Variants in GRID2 observed in about 807,000 individuals in gnomAD.
GRID2 encodes glutamate ionotropic receptor delta type subunit 2.
GRID2 carries 33 observed loss-of-function variants against 114.8 expected under a neutral mutation model. The ratio of observed to expected loss-of-function variants is 0.29; its 90% confidence interval spans 0.22 to 0.38. The LOEUF (loss-of-function observed/expected upper bound fraction) is 0.38, where lower values mean the gene tolerates loss of function less well. Ranked by LOEUF, GRID2 falls within the 10% of genes least tolerant of loss-of-function variation. The pLI is 1.00. For synonymous variants in GRID2, 505 were observed against 449.9 expected (o/e 1.12, Z -1.55); for missense variants, 1,184 against 1,257.7 (o/e 0.94, Z 0.89).
chr4:92,433,451 G>C (rs1331616553), intron 1 of GRID2, among the ~76,000 whole-genome samples: 2 of 152,212 alleles, frequency 1.3e-5, no homozygotes, highest in Non-Finnish European at 2.9e-5. Context: ...ATTCCCCTCT[G>C]GCTAGGTCTC....
At chr4:93,635,399 A>G (rs1036059970) in intron 14 of GRID2, among the ~76,000 whole-genome samples, 1 of 148,844 alleles carries the variant, frequency 6.7e-6, no homozygotes, top group African/African-American at 2.4e-5. Context: ...ATAATAATAT[A>G]TATATTATAT....
intron 2 of GRID2, among the ~76,000 whole-genome samples, chr4:93,028,476 G>A (rs569229577): frequency 1.1e-4 from 16 of 152,162 alleles, no homozygotes; most frequent in South Asian, 1.0e-3. Flanking sequence ...ATTACCTAGC[G>A]CCTTTATAAG....
intron 2 of GRID2, among the ~76,000 whole-genome samples, chr4:92,750,548 C>T (rs140589350): frequency 1.3e-5 from 2 of 152,240 alleles, no homozygotes; most frequent in Admixed American, 1.3e-4. Context: ...TACACTTGCC[C>T]TCAACAAGTA....
At chr4:93,236,169 GATA>G (rs772205568) in intron 7 of GRID2, among the ~76,000 whole-genome samples, 2 of 151,990 alleles carry the variant, frequency 1.3e-5, no homozygotes, top group Non-Finnish European at 2.9e-5. Flanking sequence ...AGATACTAAT[GATA>G]ATAAGATGCA....
chr4:93,786,950 G>A (rs1734605846), intron 1 of GRID2, among the ~76,000 whole-genome samples: 2 of 152,038 alleles, frequency 1.3e-5, no homozygotes, highest in African/African-American at 4.8e-5. Context: ...GTGTCCCAAT[G>A]GTGTATGAAG....
At chr4:92,359,071 A>T (rs1289900086) in intron 1 of GRID2, among the ~76,000 whole-genome samples, 1 of 151,960 alleles carries the variant, frequency 6.6e-6, no homozygotes, top group East Asian at 1.9e-4. Context: ...TAAATTTTTT[A>T]GTAGAGGAAA....
intron 2 of GRID2, among the ~76,000 whole-genome samples, chr4:92,651,695 A>G (rs548760643): frequency 6.6e-6 from 1 of 152,206 alleles, no homozygotes; most frequent in East Asian, 1.9e-4. Flanking sequence ...GCTACAGCCC[A>G]TGAATTGATA....
chr4:93,678,398 C>T (rs181616615), intron 14 of GRID2, among the ~76,000 whole-genome samples: 486 of 152,184 alleles, frequency 3.2e-3, no homozygotes, highest in Admixed American at 8.2e-3. Flanking sequence ...CAAGGCAGGC[C>T]AACATTCAGA....
chr4:92,664,986 C>CTTTTTTTTTTTTTTTTTTTTTTTTTTTT, intron 2 of GRID2, among the ~76,000 whole-genome samples: 1 of 127,572 alleles, frequency 7.8e-6, no homozygotes, highest in Admixed American at 7.8e-5. Flanking sequence ...CTCTGCCATT[C>CTTTTTTTTTTTTTTTTTTTTTTTTTTTT]TTTTTTTTTT....
At position 93,080,845 on chromosome 4, in the gene GRID2, G is replaced by T. The variant is rs906169021; in HGVS notation, c.245-4150G>T. Among the ~76,000 whole-genome samples, 21 of 152,272 alleles carry T rather than the reference G, an allele frequency of 1.4e-4. No individual in the cohort carries two copies. The East Asian group carries it at 3.9e-3, about 28-fold the overall frequency. On this transcript the variant is annotated intron_variant, in intron 2 of 15. Coordinates refer to ENST00000282020, the MANE Select transcript of GRID2 (RefSeq NM_001510.4). The stretch of plus-strand genomic sequence containing the variant: ...TTATTTTCTCACAGTTTAAGAGGCT[G>T]GGAAGTCAAGATCAATACACTGGCG...
At chr4:92,830,496 T>G (rs903745984) in intron 2 of GRID2, among the ~76,000 whole-genome samples, 15 of 152,172 alleles carry the variant, frequency 9.9e-5, no homozygotes, top group African/African-American at 3.1e-4. Flanking sequence ...TAGATATTTT[T>G]TATTTTATCA....
At chr4:92,901,384 A>G (rs138566963) in intron 2 of GRID2, among the ~76,000 whole-genome samples, 13 of 152,048 alleles carry the variant, frequency 8.5e-5, no homozygotes, top group African/African-American at 3.1e-4. Context: ...TAGATTCTGG[A>G]TGTTAGTATT....
chr4:92,553,194 A>C (rs1406659411), intron 1 of GRID2, among the ~76,000 whole-genome samples: 1 of 152,178 alleles, frequency 6.6e-6, no homozygotes, highest in Non-Finnish European at 1.5e-5. Context: ...TCTAAGACGG[A>C]CCTAACTTTG....
chr4:92,338,990 T>G (rs1364179844), intron 1 of GRID2, among the ~76,000 whole-genome samples: 1 of 152,080 alleles, frequency 6.6e-6, no homozygotes, highest in Non-Finnish European at 1.5e-5. Context: ...ACAATATAAA[T>G]CCAAAATATT....
chr4:93,626,189 A>G, intron 13 of GRID2, 80 bp from the exon 14 acceptor site: 1 of 691,344 alleles, frequency 1.4e-6, no homozygotes, highest in East Asian at 2.6e-5. Flanking sequence ...ATACCAATGT[A>G]ATGTTTTTCA....
intron 14 of GRID2, among the ~76,000 whole-genome samples, chr4:93,713,704 T>C (rs981433414): frequency 2.0e-5 from 3 of 152,092 alleles, no homozygotes; most frequent in Admixed American, 1.3e-4. Context: ...AAATAAACCC[T>C]AAAACAAGAG....
chr4:92,317,117 A>G (rs1158501052), intron 1 of GRID2, among the ~76,000 whole-genome samples: 1 of 152,172 alleles, frequency 6.6e-6, no homozygotes, highest in Non-Finnish European at 1.5e-5. Context: ...TTTCTTGGGT[A>G]TAGAAAAATA....
chr4:92,911,067 T>C (rs1748341597), intron 2 of GRID2, among the ~76,000 whole-genome samples: 1 of 152,070 alleles, frequency 6.6e-6, no homozygotes, highest in South Asian at 2.1e-4. Flanking sequence ...AATGAGACTA[T>C]TTTTCTCATG....
chr4:93,344,795 C>T (rs1316626898), intron 8 of GRID2, among the ~76,000 whole-genome samples: 1 of 151,808 alleles, frequency 6.6e-6, no homozygotes. Context: ...TTCTCTAGCT[C>T]CTGGCAACCA....
Sources: allele counts gnomAD v4.1 joint callset (sites outside exome capture counted in the v4.1 genomes callset), GRCh38; gene constraint gnomAD v4.1.1; transcripts MANE v1.5; gene names NCBI Gene and HGNC (gene_info 2026-07-23, HGNC 2026-07-21).